Variants in SH3BGR observed in about 807,000 individuals in gnomAD.
SH3BGR encodes the protein SH3 domain-binding glutamic acid-rich protein.
A neutral mutation model predicts 24.5 loss-of-function variants in SH3BGR; 29 were observed. The observed-to-expected ratio is 1.18, with a 90% confidence interval of 0.88 to 1.61. The LOEUF (loss-of-function observed/expected upper bound fraction) is 1.61, where lower values mean the gene tolerates loss of function less well. Among genes scored for constraint, SH3BGR ranks in the 40% most tolerant of loss-of-function variants. The pLI is 0.00. For missense variants in SH3BGR, 162 were observed against 205.8 expected (o/e 0.79, Z 1.30); for synonymous variants, 55 against 65.7 (o/e 0.84, Z 0.79).
chr21:39,493,906 C>T (rs938565570), intron 3 of SH3BGR, among the ~76,000 whole-genome samples: 3 of 152,096 alleles, frequency 2.0e-5, no homozygotes, highest in African/African-American at 4.8e-5. Flanking sequence ...TGATTTGATT[C>T]TCACTTGGTC....
At chr21:39,447,990 T>C (rs2077530554), upstream of SH3BGR, among the ~76,000 whole-genome samples, 1 of 152,176 alleles carries the variant, frequency 6.6e-6, no homozygotes, top group Non-Finnish European at 1.5e-5. Context: ...CTCTGAAGGC[T>C]CTTAGGGAGA....
intron 5 of SH3BGR, among the ~76,000 whole-genome samples, chr21:39,509,918 G>C (rs2078647400): frequency 6.6e-6 from 1 of 151,926 alleles, no homozygotes; most frequent in African/African-American, 2.4e-5. Context: ...AATGTCAAAA[G>C]AAATCCCCCC....
At chr21:39,492,062 G>A (rs1331587924) in intron 3 of SH3BGR, among the ~76,000 whole-genome samples, 2 of 152,074 alleles carry the variant, frequency 1.3e-5, no homozygotes, top group Admixed American at 1.3e-4. Context: ...TTGTTCTAGT[G>A]GCTATAATAT....
At chr21:39,456,470 A>G (rs2077655895) in intron 1 of SH3BGR, among the ~76,000 whole-genome samples, 1 of 152,264 alleles carries the variant, frequency 6.6e-6, no homozygotes, top group Admixed American at 6.5e-5. Flanking sequence ...GATTTAGTCC[A>G]ACAACCTGTC....
intron 4 of SH3BGR, among the ~76,000 whole-genome samples, chr21:39,502,208 A>C (rs1423903605): frequency 6.6e-6 from 1 of 152,184 alleles, no homozygotes; most frequent in Non-Finnish European, 1.5e-5. Context: ...ATTGTGGGCT[A>C]TTTGTAAAGG....
At chr21:39,479,247 GTGGTGGTGGTGA>G (rs1361113799) in intron 3 of SH3BGR, among the ~76,000 whole-genome samples, 1 of 149,588 alleles carries the variant, frequency 6.7e-6, no homozygotes, top group Non-Finnish European at 1.5e-5. Context: ...GGTGGTGGTG[GTGGTGGTGGTGA>G]TGGTAGTGCT....
At chr21:39,500,857 A>G (rs2078482938) in intron 4 of SH3BGR, among the ~76,000 whole-genome samples, 1 of 152,160 alleles carries the variant, frequency 6.6e-6, no homozygotes, top group Non-Finnish European at 1.5e-5. Flanking sequence ...CTGGGCATCC[A>G]TTTGTCTTTA....
intron 2 of SH3BGR, among the ~76,000 whole-genome samples, chr21:39,465,493 G>C (rs1382168818): frequency 6.6e-6 from 1 of 152,182 alleles, no homozygotes; most frequent in Non-Finnish European, 1.5e-5. Flanking sequence ...ATTTACAACT[G>C]AATGTCATTT....
intron 1 of SH3BGR, among the ~76,000 whole-genome samples, chr21:39,453,182 G>A (rs1277693144): frequency 6.6e-6 from 1 of 152,178 alleles, no homozygotes; most frequent in Admixed American, 6.5e-5. Context: ...AGTTCATGAG[G>A]TTTCCAGAGA....
chr21:39,509,471 G>GTTTTTTTTTTT (rs560071613), intron 5 of SH3BGR, among the ~76,000 whole-genome samples: 1 of 103,962 alleles, frequency 9.6e-6, no homozygotes. Context: ...CACTTTTATT[G>GTTTTTTTTTTT]TTTTTTTTTT....
At chr21:39,452,700 ACT>A (rs2077593098) in intron 1 of SH3BGR, among the ~76,000 whole-genome samples, 1 of 152,104 alleles carries the variant, frequency 6.6e-6, no homozygotes, top group Non-Finnish European at 1.5e-5. Flanking sequence ...AGTTATAAAC[ACT>A]CCAGGCATTC....
In SH3BGR at chr21:39,452,090, T is replaced by G; in HGVS notation, c.-7T>G. ...TGTTGGGGGGAGTCCTCTTTCCAAC[T>G]GTCGAAATGGTTATCAAAGTGTTTG... On this transcript the variant is annotated 5_prime_UTR_variant, in exon 1 of 7. Transcript: ENST00000333634. 6.2e-7 allele frequency: 1 copy of G among 1,614,150 alleles called. No homozygotes were observed. Among genetic ancestry groups the G allele is most frequent in the Non-Finnish European group, 8.5e-7 (1 of 1,180,002 alleles).
chr21:39,474,664 C>T (rs1056443336), intron 2 of SH3BGR, among the ~76,000 whole-genome samples: 1 of 152,028 alleles, frequency 6.6e-6, no homozygotes, highest in Non-Finnish European at 1.5e-5. Context: ...CCTCTATGTC[C>T]CCCATGGTCT....
At chr21:39,485,257 C>G (rs1269953360) in intron 3 of SH3BGR, among the ~76,000 whole-genome samples, 2 of 152,166 alleles carry the variant, frequency 1.3e-5, no homozygotes, top group East Asian at 3.8e-4. Context: ...AAGACAGATT[C>G]TTGTTGAAGT....
intron 2 of SH3BGR, among the ~76,000 whole-genome samples, chr21:39,469,539 T>A (rs187537868): frequency 1.3e-5 from 2 of 151,854 alleles, no homozygotes; most frequent in Non-Finnish European, 2.9e-5. Context: ...ACTTTTAACC[T>A]TTTTTTCTTC....
At chr21:39,487,540 T>C (rs981335827) in intron 3 of SH3BGR, among the ~76,000 whole-genome samples, 1 of 152,184 alleles carries the variant, frequency 6.6e-6, no homozygotes, top group Admixed American at 6.5e-5. Flanking sequence ...GGGCTGTCCT[T>C]CTCATGGGAA....
chr21:39,453,244 C>T (rs2077603486), intron 1 of SH3BGR, among the ~76,000 whole-genome samples: 1 of 152,152 alleles, frequency 6.6e-6, no homozygotes, highest in Non-Finnish European at 1.5e-5. Context: ...TTGCTAAGTA[C>T]AACTGAGCAG....
At chr21:39,454,569 G>A (rs2077625026) in intron 1 of SH3BGR, among the ~76,000 whole-genome samples, 1 of 152,152 alleles carries the variant, frequency 6.6e-6, no homozygotes, top group Non-Finnish European at 1.5e-5. Flanking sequence ...GTGGGGCAGG[G>A]GGGACAAAGG....
chr21:39,462,403 GT>G lies in SH3BGR; in HGVS notation c.80del (p.Leu27TrpfsTer11). On this transcript the variant is annotated frameshift_variant, in exon 2 of 7. Coordinates refer to ENST00000333634, the MANE Select transcript of SH3BGR (RefSeq NM_007341.3). LOFTEE classifies it high-confidence loss of function. ...AIRKKQQEVV[G>X]FLEANKIDFK... is the part of the protein sequence containing the mutation. Reference sequence around the variant, plus strand: ...AGGAAGAAACAGCAAGAAGTAGTGGGTTTTTTGGAAGCGAATAAAATCGACT... The same window carrying G: ...AGGAAGAAACAGCAAGAAGTAGTGGGTTTTTGGAAGCGAATAAAATCGACT... 2 of 1,609,594 alleles carry G rather than the reference GT, an allele frequency of 1.2e-6. No individual in the cohort carries two copies. The highest frequency in any genetic ancestry group is 1.7e-5 in the Admixed American group (1 of 58,446).
Sources: gnomAD v4.1 joint callset for allele counts (sites outside exome capture counted in the v4.1 genomes callset) on GRCh38, gnomAD v4.1.1 for gene constraint, MANE v1.5 for transcripts, NCBI Gene and HGNC (gene_info 2026-07-23, HGNC 2026-07-21) for gene names.